CWC27: variants seen among roughly 807,000 people sequenced by gnomAD.
The protein encoded by CWC27 is spliceosome-associated protein CWC27 homolog.
A neutral mutation model predicts 63.6 loss-of-function variants in CWC27; 47 were observed. The ratio of observed to expected loss-of-function variants is 0.74; its 90% CI spans 0.58 to 0.94. The LOEUF (loss-of-function observed/expected upper bound fraction) is 0.94. CWC27 is among the 40% of genes least tolerant of loss of function. The probability of loss-of-function intolerance (pLI) is 0.00; values close to 1 mark genes in which losing one functional copy is unlikely to be tolerated. For missense variants in CWC27, 495 were observed against 554.3 expected (o/e 0.89, Z 1.07); for synonymous variants, 175 against 179.8 (o/e 0.97, Z 0.22).
intron 1 of CWC27, 69 bp from the exon 2 acceptor site, chr5:64,774,622 G>C (rs1743376640): frequency 5.4e-6 from 5 of 926,698 alleles, no homozygotes; most frequent in African/African-American, 1.7e-5. Context: ...ATTGCTACAA[G>C]TCAAATAGTT....
chr5:64,926,404 CAT>C (rs1310945769), intron 11 of CWC27, among the ~76,000 whole-genome samples: 1 of 151,262 alleles, frequency 6.6e-6, no homozygotes, highest in Non-Finnish European at 1.5e-5. Flanking sequence ...AGATTTCAGT[CAT>C]ATCAGTAAGA....
At chr5:64,978,753 A>G (rs540896330) in intron 13 of CWC27, among the ~76,000 whole-genome samples, 1 of 152,220 alleles carries the variant, frequency 6.6e-6, no homozygotes, top group Non-Finnish European at 1.5e-5. Context: ...TGAAGGAAAT[A>G]TGACCCGTGT....
At chr5:64,801,236 G>C in intron 8 of CWC27, 66 bp from the exon 9 acceptor site, 1 of 1,301,762 alleles carries the variant, frequency 7.7e-7, no homozygotes, top group Non-Finnish European at 1.0e-6. Flanking sequence ...TAGATTTTTG[G>C]GTTACAAAAT....
chr5:64,890,296 A>G (rs1334979654), intron 11 of CWC27, among the ~76,000 whole-genome samples: 7 of 152,178 alleles, frequency 4.6e-5, no homozygotes, highest in African/African-American at 1.7e-4. Context: ...TCTTCAGACT[A>G]TCTTTTTAAT....
intron 10 of CWC27, chr5:64,807,825 C>T (rs1462092995): frequency 4.6e-6 from 7 of 1,532,092 alleles, no homozygotes; most frequent in East Asian, 2.4e-5. Flanking sequence ...TTCTTCAACC[C>T]GTATTTCTTT....
At chr5:65,009,153 G>A (rs981841409) in intron 13 of CWC27, among the ~76,000 whole-genome samples, 1 of 152,142 alleles carries the variant, frequency 6.6e-6, no homozygotes, top group Non-Finnish European at 1.5e-5. Flanking sequence ...ATCATGACAG[G>A]GGAGTGAGAG....
intron 9 of CWC27, 119 bp downstream of exon 9, chr5:64,801,451 T>C: frequency 1.2e-6 from 1 of 867,554 alleles, no homozygotes; most frequent in Non-Finnish European, 1.6e-6. Context: ...GTTATATATG[T>C]CAAATTTTGG....
At chr5:65,002,736 TGCTGATGAG>T (rs1424765622) in intron 13 of CWC27, among the ~76,000 whole-genome samples, 1 of 152,168 alleles carries the variant, frequency 6.6e-6, no homozygotes, top group African/African-American at 2.4e-5. Context: ...AGATTCCATG[TGCTGATGAG>T]GAGAATGTGT....
At chr5:64,830,986 G>A (rs1745502221) in intron 10 of CWC27, among the ~76,000 whole-genome samples, 1 of 152,012 alleles carries the variant, frequency 6.6e-6, no homozygotes, top group Non-Finnish European at 1.5e-5. Context: ...ATATGTCTCA[G>A]CTGGTTCTTC....
At chr5:64,794,880 T>C (rs941212652) in intron 7 of CWC27, among the ~76,000 whole-genome samples, 1 of 152,160 alleles carries the variant, frequency 6.6e-6, no homozygotes, top group African/African-American at 2.4e-5. Context: ...TCAAGATAAC[T>C]AGTTTTTATG....
At chr5:64,892,298 A>G (rs1447378144) in intron 11 of CWC27, among the ~76,000 whole-genome samples, 3 of 152,198 alleles carry the variant, frequency 2.0e-5, no homozygotes, top group Non-Finnish European at 4.4e-5. Context: ...TTCCTGACCC[A>G]GTAAAAATAG....
intron 10 of CWC27, among the ~76,000 whole-genome samples, chr5:64,839,603 CCTAA>C (rs991422521): frequency 3.3e-5 from 5 of 152,046 alleles, no homozygotes; most frequent in Admixed American, 2.0e-4. Context: ...CTGTAAAAGG[CCTAA>C]CTATCTCCAC....
At chr5:64,944,886 G>T (rs1748557782) in intron 11 of CWC27, among the ~76,000 whole-genome samples, 1 of 151,916 alleles carries the variant, frequency 6.6e-6, no homozygotes, top group Non-Finnish European at 1.5e-5. Context: ...CCCACCAATG[G>T]ATTTCTTAAA....
intron 9 of CWC27, 116 bp from the exon 10 acceptor site, chr5:64,804,113 A>AT (rs1744576728): frequency 6.6e-6 from 6 of 909,670 alleles, no homozygotes; most frequent in East Asian, 5.5e-5. Context: ...AGAAAACAAA[A>AT]TAAAAAAAAA....
At chr5:64,884,077 A>G (rs971030677) in intron 10 of CWC27, 3 of 152,122 alleles carry the variant, frequency 2.0e-5, no homozygotes, top group African/African-American at 7.2e-5. Context: ...CCAGGTGATT[A>G]TGATGTATCC....
intron 1 of CWC27, among the ~76,000 whole-genome samples, chr5:64,774,472 C>T (rs1043639565): frequency 6.6e-6 from 1 of 151,926 alleles, no homozygotes; most frequent in Admixed American, 6.6e-5. Flanking sequence ...TTCTTAAATC[C>T]CAAACTTTTT....
chr5:64,881,049 G>A (rs929474284), intron 10 of CWC27, among the ~76,000 whole-genome samples: 1 of 151,832 alleles, frequency 6.6e-6, no homozygotes, highest in Non-Finnish European at 1.5e-5. Flanking sequence ...ATATTCCAAA[G>A]AATGTAAGAT....
At chr5:64,826,177 C>A (rs762888292) in intron 10 of CWC27, among the ~76,000 whole-genome samples, 11 of 152,100 alleles carry the variant, frequency 7.2e-5, no homozygotes, top group African/African-American at 1.2e-4. Flanking sequence ...TGAACCTGGA[C>A]TGACAAAATT....
intron 10 of CWC27, among the ~76,000 whole-genome samples, chr5:64,864,467 T>C (rs958457920): frequency 3.3e-5 from 5 of 152,156 alleles, no homozygotes; most frequent in African/African-American, 1.2e-4. Context: ...ATACAGAGGC[T>C]ATTTGGGTGC....
Sources: allele counts gnomAD v4.1 joint callset (sites outside exome capture counted in the v4.1 genomes callset), GRCh38; gene constraint gnomAD v4.1.1; transcripts MANE v1.5; gene names NCBI Gene and HGNC (gene_info 2026-07-23, HGNC 2026-07-21).